The following ADAMTSL1 variants were observed in gnomAD, a reference collection of about 807,000 sequenced individuals.
The protein encoded by ADAMTSL1 is ADAMTS-like protein 1.
In ADAMTSL1, 126 loss-of-function variants were observed where a neutral mutation model predicts 201.8. The observed-to-expected ratio is 0.62, with a 90% CI of 0.54 to 0.72. The LOEUF (loss-of-function observed/expected upper bound fraction) is 0.72. Among genes scored for constraint, ADAMTSL1 ranks in the 30% least tolerant of loss-of-function variants. ADAMTSL1 has a pLI of 0.00. For missense variants in ADAMTSL1, 2,679 were observed against 2,277.8 expected (o/e 1.18, Z -3.59); for synonymous variants, 1,121 against 903.4 (o/e 1.24, Z -4.32).
intron 7 of ADAMTSL1, among the ~76,000 whole-genome samples, chr9:18,643,738 G>A (rs1827595010): frequency 6.6e-6 from 1 of 151,936 alleles, no homozygotes; most frequent in Non-Finnish European, 1.5e-5. Flanking sequence ...ATTGGTCTAT[G>A]TGTCTGTTTT....
chr9:18,069,833 G>C (rs1000234083), intron 1 of ADAMTSL1, among the ~76,000 whole-genome samples: 2 of 152,174 alleles, frequency 1.3e-5, no homozygotes, highest in Non-Finnish European at 2.9e-5. Context: ...GGCATTGGTG[G>C]TGCAGAGAAA....
intron 2 of ADAMTSL1, among the ~76,000 whole-genome samples, chr9:18,179,389 T>G (rs181441034): frequency 6.6e-6 from 1 of 152,254 alleles, no homozygotes; most frequent in African/African-American, 2.4e-5. Context: ...AAAGACCAAA[T>G]CTACGTCTGA....
chr9:18,497,658 A>G (rs868189559), intron 1 of ADAMTSL1, among the ~76,000 whole-genome samples: 1 of 152,206 alleles, frequency 6.6e-6, no homozygotes, highest in Non-Finnish European at 1.5e-5. Flanking sequence ...TATTTTATCT[A>G]TGCCTTCCCT....
At chr9:18,115,592 T>C (rs1825216480) in intron 1 of ADAMTSL1, among the ~76,000 whole-genome samples, 1 of 152,206 alleles carries the variant, frequency 6.6e-6, no homozygotes, top group Non-Finnish European at 1.5e-5. Flanking sequence ...GAGGATTTAC[T>C]GTGTTCTGGG....
intron 2 of ADAMTSL1, among the ~76,000 whole-genome samples, chr9:18,275,327 C>G (rs531513327): frequency 2.6e-4 from 40 of 152,198 alleles, no homozygotes; most frequent in African/African-American, 9.1e-4. Flanking sequence ...TAGTTTCATA[C>G]CCATTTATTT....
At chr9:18,007,194 T>A (rs774078575) in intron 1 of ADAMTSL1, among the ~76,000 whole-genome samples, 1 of 152,022 alleles carries the variant, frequency 6.6e-6, no homozygotes, top group Non-Finnish European at 1.5e-5. Context: ...ATCACAGAAC[T>A]CCTTTTCCAT....
intron 2 of ADAMTSL1, among the ~76,000 whole-genome samples, chr9:18,269,533 G>T (rs956186571): frequency 2.0e-5 from 3 of 152,128 alleles, no homozygotes; most frequent in African/African-American, 7.2e-5. Flanking sequence ...AGAACAGATA[G>T]ATGTGGTCTC....
chr9:18,600,676 C>CA (rs1282582310), intron 4 of ADAMTSL1, among the ~76,000 whole-genome samples: 1 of 151,992 alleles, frequency 6.6e-6, no homozygotes, highest in Admixed American at 6.6e-5. Flanking sequence ...CTAAGGCATA[C>CA]AGCCATTCTC....
At chr9:18,019,113 T>C (rs1445632681) in intron 1 of ADAMTSL1, among the ~76,000 whole-genome samples, 2 of 152,086 alleles carry the variant, frequency 1.3e-5, no homozygotes, top group Non-Finnish European at 2.9e-5. Flanking sequence ...CTTGTTTATG[T>C]AGTGGCAGAA....
At chr9:18,284,948 T>C (rs56965628) in intron 2 of ADAMTSL1, among the ~76,000 whole-genome samples, 20,044 of 152,214 alleles carry the variant, frequency 0.13, 1,399 homozygotes, top group Middle Eastern at 0.19. Flanking sequence ...TCTAAGACTA[T>C]TGAACATTTT....
At chr9:18,369,808 A>G (rs1210053709) in intron 2 of ADAMTSL1, among the ~76,000 whole-genome samples, 1 of 152,212 alleles carries the variant, frequency 6.6e-6, no homozygotes, top group Non-Finnish European at 1.5e-5. Context: ...CATGGATACT[A>G]TGCAGCCGTA....
chr9:18,546,106 A>T (rs968939458), intron 3 of ADAMTSL1, among the ~76,000 whole-genome samples: 2 of 152,304 alleles, frequency 1.3e-5, no homozygotes, highest in Non-Finnish European at 2.9e-5. Context: ...TTTGCATTTT[A>T]AACATTCTCT....
chr9:18,753,570 T>C, intron 16 of ADAMTSL1, 62 bp downstream of exon 16: 1 of 1,536,172 alleles, frequency 6.5e-7, no homozygotes, highest in East Asian at 2.4e-5. Context: ...AAAAAAGGGA[T>C]GCTCTCTCAG....
At chr9:18,561,365 G>A (rs989419069) in intron 3 of ADAMTSL1, among the ~76,000 whole-genome samples, 1 of 152,168 alleles carries the variant, frequency 6.6e-6, no homozygotes, top group South Asian at 2.1e-4. Context: ...TTAATCTTAA[G>A]TTCTAATTTG....
chr9:18,399,318 T>TATACATAC (rs1554672312), intron 2 of ADAMTSL1, among the ~76,000 whole-genome samples: 10 of 100,770 alleles, frequency 9.9e-5, no homozygotes, highest in East Asian at 6.4e-4. Context: ...TATATATATA[T>TATACATAC]ATATATATAT....
chr9:18,692,369 T>C (rs1286866697), intron 13 of ADAMTSL1, among the ~76,000 whole-genome samples: 1 of 152,180 alleles, frequency 6.6e-6, no homozygotes, highest in African/African-American at 2.4e-5. Context: ...TTTTTTGTAG[T>C]CATTCCTTGA....
chr9:17,948,312 A>G (rs769721998), intron 1 of ADAMTSL1, among the ~76,000 whole-genome samples: 2 of 152,142 alleles, frequency 1.3e-5, no homozygotes, highest in Non-Finnish European at 2.9e-5. Context: ...TTTCCTACAC[A>G]TATTTTACAA....
chr9:17,937,284 G>A (rs1041211868), intron 1 of ADAMTSL1, among the ~76,000 whole-genome samples: 4 of 152,056 alleles, frequency 2.6e-5, no homozygotes, highest in Non-Finnish European at 4.4e-5. Flanking sequence ...AGCCATTTCA[G>A]GGGAGGCTTT....
At chr9:18,179,220 G>A (rs542834453) in intron 2 of ADAMTSL1, among the ~76,000 whole-genome samples, 124 of 152,246 alleles carry the variant, frequency 8.1e-4, no homozygotes, top group African/African-American at 2.8e-3. Context: ...CGAGAACTAC[G>A]TGAAGAATGC....
Sources: gnomAD v4.1 joint callset for allele counts (sites outside exome capture counted in the v4.1 genomes callset) on GRCh38, gnomAD v4.1.1 for gene constraint, MANE v1.5 for transcripts, NCBI Gene and HGNC (gene_info 2026-07-23, HGNC 2026-07-21) for gene names.